Variants in STXBP3 observed in about 807,000 individuals in gnomAD.
The protein encoded by STXBP3 is syntaxin binding protein 3, also known as syntaxin-binding protein 3.
Under a neutral mutation model 85.7 loss-of-function variants are expected in STXBP3, and 41 were observed. The ratio of observed to expected loss-of-function variants is 0.48; its 90% CI spans 0.37 to 0.62. The LOEUF is 0.62. Ranked by LOEUF, STXBP3 falls within the 20% of genes least tolerant of loss-of-function variation. The pLI, the probability that STXBP3 is intolerant of heterozygous loss-of-function variation, is 0.00. For synonymous variants in STXBP3, 229 were observed against 231.7 expected (o/e 0.99, Z 0.10); for missense variants, 563 against 703.1 (o/e 0.80, Z 2.25).
chr1:108,775,865 G>A (rs1307242642), intron 7 of STXBP3, among the ~76,000 whole-genome samples: 1 of 151,772 alleles, frequency 6.6e-6, no homozygotes, highest in Non-Finnish European at 1.5e-5. Flanking sequence ...TACTGTATAG[G>A]AGATAAAATG....
chr1:108,769,845 G>A (rs1662344564), intron 6 of STXBP3, among the ~76,000 whole-genome samples: 1 of 152,190 alleles, frequency 6.6e-6, no homozygotes, highest in African/African-American at 2.4e-5. Context: ...GTTGTCCATT[G>A]TTGTTTGGCT....
intron 11 of STXBP3, among the ~76,000 whole-genome samples, chr1:108,785,997 C>G (rs1224642157): frequency 2.6e-5 from 4 of 152,198 alleles, no homozygotes; most frequent in Non-Finnish European, 4.4e-5. Flanking sequence ...CTGAGCCCTC[C>G]AAACTGTTCA....
intron 11 of STXBP3, among the ~76,000 whole-genome samples, chr1:108,791,151 C>A (rs527484343): frequency 1.6e-4 from 25 of 152,134 alleles, no homozygotes; most frequent in Non-Finnish European, 3.4e-4. Context: ...CAATTTTTTT[C>A]CTTTCAGCAA....
intron 4 of STXBP3, among the ~76,000 whole-genome samples, chr1:108,757,274 T>C (rs1662042613): frequency 6.6e-6 from 1 of 152,196 alleles, no homozygotes; most frequent in East Asian, 1.9e-4. Flanking sequence ...AGCCAAATTA[T>C]CAGATTTCTT....
chr1:108,803,386 C>T (rs1663270502), intron 17 of STXBP3, among the ~76,000 whole-genome samples: 1 of 152,212 alleles, frequency 6.6e-6, no homozygotes, highest in Admixed American at 6.5e-5. Flanking sequence ...GTTGTATGTG[C>T]ATGTGAACCT....
chr1:108,765,377 A>T (rs1366033010), intron 6 of STXBP3, among the ~76,000 whole-genome samples: 1 of 152,202 alleles, frequency 6.6e-6, no homozygotes, highest in African/African-American at 2.4e-5. Context: ...TTATGGATCC[A>T]CAGAAGAAAA....
In STXBP3 at chr1:108,796,326, T is replaced by C; in HGVS notation, c.1203T>C (p.Asn401=). The change falls in exon 14 of 19, where the codon AAT becomes AAC. Residue 401 remains asparagine (N), a synonymous_variant. Transcript: ENST00000370008. Reference sequence around the variant, plus strand: ...TTCTACTCAACAAAAATCATGATAATTGTGATAAAATAAGAGCAATTCTAC... The same window carrying C: ...TTCTACTCAACAAAAATCATGATAACTGTGATAAAATAAGAGCAATTCTAC... ...LPVLLNKNHD[N]CDKIRAILLY... is the part of the protein sequence containing the mutation. 6.3e-7 allele frequency: 1 copy of C among 1,599,786 alleles called. No individual in the cohort carries two copies. The highest frequency in any genetic ancestry group is 8.6e-7 in the Non-Finnish European group (1 of 1,167,122).
Position 108,796,236 on chromosome 1 carries a change from C to T in STXBP3, c.1113C>T (p.Asp371=). 1.2e-6 allele frequency: 2 copies of T among 1,606,890 alleles called. No individual in the cohort carries two copies. The highest frequency in any genetic ancestry group is 1.7e-6 in the Non-Finnish European group (2 of 1,177,986). ...NIEKLCKTEQ[D]LALGTDAEGQ... The stretch of plus-strand genomic sequence containing the variant: ...GACAATATTTTATTTTCATTAAGGA[C>T]CTGGCACTTGGAACTGATGCAGAAG... Residue 371 remains aspartate (D), a splice_region_variant and synonymous_variant, in exon 14 of 19, where the codon GAC becomes GAT. Transcript: ENST00000370008.
At position 108,752,302 on chromosome 1, in the gene STXBP3, G is replaced by T; in HGVS notation, c.95G>T (p.Trp32Leu). Residue 32 changes from tryptophan to leucine, a missense_variant, in exon 2 of 19, where the codon TGG (tryptophan) becomes TTG (leucine). Physicochemically the swap from Trp to Leu is moderately conservative, Grantham distance 61. Coordinates refer to ENST00000370008, the MANE Select transcript of STXBP3 (RefSeq NM_007269.4). ...VFDDCKKEGE[W>L]KIMLLDEFTT... is the part of the protein sequence containing the mutation. ...GATGACTGCAAGAAAGAAGGCGAAT[G>T]GAAGGTAGAGTTTGCATACCTTGCT... 1 of 1,610,242 alleles carries T rather than the reference G, an allele frequency of 6.2e-7. No individual in the cohort carries two copies. The highest frequency in any genetic ancestry group is 1.1e-5 in the South Asian group (1 of 90,348).
chr1:108,758,269 C>CTT (rs11445379), intron 4 of STXBP3, among the ~76,000 whole-genome samples: 14 of 144,616 alleles, frequency 9.7e-5, no homozygotes, highest in Admixed American at 1.4e-4. Flanking sequence ...TTACCTTACT[C>CTT]TTTTTTTTTT....
chr1:108,793,983 T>A (rs1399947519), intron 12 of STXBP3, among the ~76,000 whole-genome samples: 1 of 152,206 alleles, frequency 6.6e-6, no homozygotes. Context: ...AATAGTTACT[T>A]ACTAGTAGAT....
intron 9 of STXBP3, 51 bp from the exon 10 acceptor site, chr1:108,782,371 A>G (rs1278965404): frequency 7.4e-7 from 1 of 1,345,676 alleles, no homozygotes; most frequent in Non-Finnish European, 1.0e-6. Context: ...GTTTCTTTTG[A>G]TTTTGGAGGG....
chr1:108,766,571 G>A (rs375212469), intron 6 of STXBP3, among the ~76,000 whole-genome samples: 1 of 152,120 alleles, frequency 6.6e-6, no homozygotes, highest in Non-Finnish European at 1.5e-5. Flanking sequence ...TCACAGACTA[G>A]CAAAGAATAT....
chr1:108,751,130 C>T (rs1661894130), intron 1 of STXBP3, among the ~76,000 whole-genome samples: 1 of 152,282 alleles, frequency 6.6e-6, no homozygotes, highest in Admixed American at 6.5e-5. Context: ...AGTCCCTCTT[C>T]TTTCCCAGAG....
intron 1 of STXBP3, among the ~76,000 whole-genome samples, chr1:108,748,768 G>A (rs1661845700): frequency 6.6e-6 from 1 of 151,608 alleles, no homozygotes; most frequent in African/African-American, 2.4e-5. Context: ...GGAAGTTGAG[G>A]CTGCAGTGAG....
chr1:108,793,683 T>G, intron 12 of STXBP3, 36 bp downstream of exon 12: 1 of 1,536,400 alleles, frequency 6.5e-7, no homozygotes, highest in African/African-American at 1.4e-5. Flanking sequence ...CTGATTAGTT[T>G]TAGTTTATAT....
intron 11 of STXBP3, among the ~76,000 whole-genome samples, chr1:108,785,697 C>G (rs754576792): frequency 6.6e-6 from 1 of 152,144 alleles, no homozygotes; most frequent in Non-Finnish European, 1.5e-5. Context: ...CTTTTATGCT[C>G]TGTCACCTCT....
chr1:108,751,946 G>A (rs867536005), intron 1 of STXBP3, among the ~76,000 whole-genome samples: 55 of 151,776 alleles, frequency 3.6e-4, no homozygotes, highest in African/African-American at 1.3e-3. Context: ...GTTTTACTTG[G>A]GATTTAAGTA....
At chr1:108,774,678 T>C (rs1220481586) in intron 7 of STXBP3, among the ~76,000 whole-genome samples, 1 of 144,778 alleles carries the variant, frequency 6.9e-6, no homozygotes, top group African/African-American at 2.6e-5. Context: ...GGGGTCTCTA[T>C]GTGTTGCCCA....
Sources: allele counts gnomAD v4.1 joint callset (sites outside exome capture counted in the v4.1 genomes callset), GRCh38; gene constraint gnomAD v4.1.1; transcripts MANE v1.5; gene names NCBI Gene and HGNC (gene_info 2026-07-23, HGNC 2026-07-21).